Variants in SHD observed in about 807,000 individuals in gnomAD.
The protein encoded by SHD is SH2 domain-containing adapter protein D.
In SHD, 29 loss-of-function variants were observed where a neutral mutation model predicts 31.2. That is an observed-to-expected ratio of 0.93 (90% CI 0.69 to 1.27). The LOEUF (loss-of-function observed/expected upper bound fraction) is 1.27, where lower values mean the gene tolerates loss of function less well. Among genes scored for constraint, SHD ranks in the 50% most tolerant of loss-of-function variants. The pLI is 0.00. For synonymous variants in SHD, 208 were observed against 187.8 expected (o/e 1.11, Z -0.88); for missense variants, 520 against 453.8 (o/e 1.15, Z -1.33).
At chr19:4,290,379 C>T (rs757386576) in intron 5 of SHD, 68 bp from the exon 6 acceptor site, 12 of 1,535,652 alleles carry the variant, frequency 7.8e-6, no homozygotes, top group Non-Finnish European at 1.1e-5. Context: ...TGGGAGGTGG[C>T]TTTGGGGATG....
rs376864690 is a variant in SHD at position 4,280,322 on chromosome 19, G to A, written c.259G>A (p.Ala87Thr). 4 of 1,598,240 alleles carry A rather than the reference G, an allele frequency of 2.5e-6. No homozygotes were observed. The African/African-American group carries it at 4.0e-5, about 16-fold the overall frequency. Residue 87 changes from alanine to threonine, a missense_variant, in exon 1 of 6, where the codon GCC (alanine) becomes ACC (threonine). By Grantham distance (58) the Ala-to-Thr change is moderately conservative. Transcript: ENST00000543264. ...RLIKVEAADM[A>T]RAKALLGGPG... The stretch of plus-strand genomic sequence containing the variant: ...CATCAAGGTGGAGGCTGCGGATATG[G>A]CCAGAGCCAAGGCCCTTCTGGGCGG...
rs1366584779 is a variant in SHD, at chr19:4,284,876, GACCCA to G, written c.689_693del (p.Asp230GlyfsTer37). The G allele has an allele frequency of 2.5e-6, 4 of 1,609,268 alleles. No homozygotes were observed. Among genetic ancestry groups the G allele is most frequent in the Non-Finnish European group, 3.4e-6 (4 of 1,177,682 alleles). On this transcript the variant is annotated frameshift_variant, in exon 4 of 6. Coordinates refer to ENST00000543264, the MANE Select transcript of SHD (RefSeq NM_020209.4). LOFTEE classifies it high-confidence loss of function. ...AAGCCCCCAGCCTGCGGAGCGTGTG[GACCCA>G]GCCCTGCCCCTGGAGAAACAGCCGT...
At chr19:4,284,398 TA>T (rs1394591675) in intron 3 of SHD, 18 of 163,454 alleles carry the variant, frequency 1.1e-4, no homozygotes, top group Non-Finnish European at 2.4e-4. Context: ...ACTGGGAGGG[TA>T]TTTAGAGCTT....
At chr19:4,286,272 T>TTTCTTTCC (rs1971314756) in intron 4 of SHD, among the ~76,000 whole-genome samples, 1 of 112,362 alleles carries the variant, frequency 8.9e-6, no homozygotes, top group African/African-American at 3.1e-5. Flanking sequence ...TCTTTCTTTC[T>TTTCTTTCC]TTCTTTCTTT....
chr19:4,284,696 C>T, intron 3 of SHD, 85 bp from the exon 4 acceptor site: 1 of 1,367,894 alleles, frequency 7.3e-7, no homozygotes, highest in Non-Finnish European at 9.6e-7. Context: ...CCCTGCCTTT[C>T]TACCGAGATT....
intron 4 of SHD, among the ~76,000 whole-genome samples, chr19:4,285,889 C>CTTTTTTTTTTTTTTTTTTTTTTTTTT (rs56142317): frequency 2.3e-5 from 2 of 87,354 alleles, no homozygotes; most frequent in Admixed American, 1.6e-4. Flanking sequence ...CTTTTCCTTT[C>CTTTTTTTTTTTTTTTTTTTTTTTTTT]TTTTTTTTTT....
Position 4,284,960 on chromosome 19 carries a change from A to G in SHD, c.716+56A>G, listed in dbSNP as rs1025700424. Reference sequence around the variant, plus strand: ...CCGTTGAACGTATCTGTAGACTCCAATGTATCAGGCAGAAGTTTTTTCGTT... The same window carrying G: ...CCGTTGAACGTATCTGTAGACTCCAGTGTATCAGGCAGAAGTTTTTTCGTT... On this transcript the variant is annotated intron_variant, in intron 4 of 5. Coordinates refer to ENST00000543264, the MANE Select transcript of SHD (RefSeq NM_020209.4). 20 of 1,442,440 alleles carry G rather than the reference A, an allele frequency of 1.4e-5. No homozygotes were observed. The African/African-American group carries it at 2.2e-4, about 16-fold the overall frequency. The allele number at this position is 1,442,440 out of a possible 1,614,324, so 89.4% of individuals were successfully genotyped here.
chr19:4,286,278 T>TC (rs1568369460), intron 4 of SHD, among the ~76,000 whole-genome samples: 4 of 114,852 alleles, frequency 3.5e-5, no homozygotes, highest in African/African-American at 1.3e-4. Context: ...TTTCTTTCTT[T>TC]CTTTTTTTCT....
At chr19:4,288,124 C>T (rs921349169) in intron 4 of SHD, 119 bp from the exon 5 acceptor site, 38 of 1,216,604 alleles carry the variant, frequency 3.1e-5, no homozygotes, top group South Asian at 8.8e-5. Context: ...AGACTGGTTT[C>T]GAACTCCTGA....
chr19:4,281,899 CT>C (rs1971260317), intron 1 of SHD, among the ~76,000 whole-genome samples: 1 of 152,190 alleles, frequency 6.6e-6, no homozygotes, highest in African/African-American at 2.4e-5. Flanking sequence ...TGTGCCTTGG[CT>C]TCCTTGTCTG....
intron 4 of SHD, among the ~76,000 whole-genome samples, chr19:4,286,283 T>TTTTC (rs1971315852): frequency 2.2e-5 from 2 of 89,290 alleles, no homozygotes; most frequent in Non-Finnish European, 4.6e-5. Context: ...TTCTTTCTTT[T>TTTTC]TTTCTTTCCT....
intron 4 of SHD, 58 bp downstream of exon 4, chr19:4,284,962 G>A (rs1971294788): frequency 2.1e-6 from 3 of 1,417,236 alleles, no homozygotes; most frequent in Non-Finnish European, 2.8e-6. Context: ...AGACTCCAAT[G>A]TATCAGGCAG....
At chr19:4,281,893 C>T (rs1188081506) in intron 1 of SHD, among the ~76,000 whole-genome samples, 1 of 152,158 alleles carries the variant, frequency 6.6e-6, no homozygotes, top group Non-Finnish European at 1.5e-5. Context: ...TGTCTCTGTG[C>T]CTTGGCTTCC....
In SHD at chr19:4,288,260, T is replaced by C; in HGVS notation, c.734T>C (p.Leu245Pro). The change falls in exon 5 of 6, where the codon CTG becomes CCG. Residue 245 changes from leucine to proline, a missense_variant. Physicochemically the swap from Leu to Pro is moderately conservative, Grantham distance 98. Coordinates refer to ENST00000543264, the MANE Select transcript of SHD (RefSeq NM_020209.4). ...LEKQPWFHGP[L>P]NRADAESLLS... is the part of the protein sequence containing the mutation. ...CTCGCTAGGTGGTTTCATGGCCCCC[T>C]GAACAGGGCGGATGCAGAGAGCCTC... 1 of 1,613,664 alleles carries C rather than the reference T, an allele frequency of 6.2e-7. No individual in the cohort carries two copies. Among genetic ancestry groups the C allele is most frequent in the Non-Finnish European group, 8.5e-7 (1 of 1,179,776 alleles).
At position 4,279,801 on chromosome 19, in the gene SHD, C is replaced by CA. The variant is rs971477456; in HGVS notation, c.-263_-262insA. On this transcript the variant is annotated 5_prime_UTR_variant, in exon 1 of 6. An upstream open reading frame in the 5' UTR loses its in-frame stop. Transcript: ENST00000543264. The surrounding 1 kb of genome is among the most constrained non-coding windows in gnomAD (Gnocchi z 7.5). ...GGGTTCGGGGCCCTGCGAGGTCCCC[C>CA]CTTCCCCCGCGGTGCTTCCCAAGCT... 3.9e-6 allele frequency: 2 copies of CA among 511,284 alleles called. No homozygotes were observed. Among genetic ancestry groups the CA allele is most frequent in the African/African-American group, 3.9e-5 (2 of 50,754 alleles). 31.7% of individuals were successfully genotyped at this position (511,284 alleles called of 1,614,324 possible).
chr19:4,284,851 A>C lies in SHD; in HGVS notation c.663A>C (p.Arg221Ser). The change falls in exon 4 of 6, where the codon AGA becomes AGC. Residue 221 changes from arginine (R) to serine (S), a missense_variant. Transcript: ENST00000543264. The stretch of plus-strand genomic sequence containing the variant: ...AGGAGCTCCGGAGACCTCCGCCCAG[A>C]AGCCCCCAGCCTGCGGAGCGTGTGG... ...SAKELRRPPP[R>S]SPQPAERVDP... The C allele has an allele frequency of 6.2e-7, 1 of 1,612,972 alleles. No homozygotes were observed. Among genetic ancestry groups the C allele is most frequent in the East Asian group, 2.2e-5 (1 of 44,780 alleles).
At position 4,280,247 on chromosome 19, in the gene SHD, G is replaced by A. The variant is rs1345928923; in HGVS notation, c.184G>A (p.Asp62Asn). Residue 62 changes from aspartate (D) to asparagine (N), a missense_variant, in exon 1 of 6, where the codon GAC becomes AAC. Coordinates refer to ENST00000543264, the MANE Select transcript of SHD (RefSeq NM_020209.4). ...GGAGCCGGACCCCGCGGGCCCTGGG[G>A]ACTCCAAGAACCCCGGAGATGCCAA... ...RLEPDPAGPG[D>N]SKNPGDAKYG... 1 of 1,613,632 alleles carries A rather than the reference G, an allele frequency of 6.2e-7. No homozygotes were observed. The highest frequency in any genetic ancestry group is 1.3e-5 in the African/African-American group (1 of 74,928).
In SHD at chr19:4,283,126, C is replaced by A. The variant is rs764035671; in HGVS notation, c.476C>A (p.Pro159His). 1.2e-6 allele frequency: 2 copies of A among 1,614,096 alleles called. No homozygotes were observed. The highest frequency in any genetic ancestry group is 1.7e-5 in the Admixed American group (1 of 59,996). The part of the protein sequence containing the change: ...EEQDPETADG[P>H]PSGQKPRQSR... Reference sequence around the variant, plus strand: ...CAGGACCCAGAGACAGCAGATGGACCCCCTTCTGGGCAGAAGCCTCGGCAG... The same window carrying A: ...CAGGACCCAGAGACAGCAGATGGACACCCTTCTGGGCAGAAGCCTCGGCAG... The change falls in exon 3 of 6, where the codon CCC (proline) becomes CAC (histidine). Residue 159 changes from proline (P) to histidine (H), a missense_variant. Transcript: ENST00000543264.
intron 5 of SHD, among the ~76,000 whole-genome samples, chr19:4,289,729 C>T (rs907432350): frequency 6.6e-6 from 1 of 151,046 alleles, no homozygotes; most frequent in Non-Finnish European, 1.5e-5. Context: ...CACCACCACA[C>T]CCAGCTAATT....
Sources: gnomAD v4.1 joint callset for allele counts (sites outside exome capture counted in the v4.1 genomes callset) on GRCh38, gnomAD v4.1.1 for gene constraint, Gnocchi (gnomAD v3.1) non-coding constraint, MANE v1.5 for transcripts, NCBI Gene and HGNC (gene_info 2026-07-23, HGNC 2026-07-21) for gene names.